The following FAM187B variants were observed in gnomAD, a reference collection of about 807,000 sequenced individuals.
FAM187B encodes the protein protein FAM187B.
A neutral mutation model predicts 22.6 loss-of-function variants in FAM187B; 22 were observed. The observed-to-expected ratio is 0.97, with a 90% CI of 0.70 to 1.39. FAM187B has a LOEUF of 1.39. Ranked by LOEUF, FAM187B falls within the 40% of genes most tolerant of loss-of-function variation. FAM187B has a pLI of 0.00. For synonymous variants in FAM187B, 192 were observed against 201.8 expected, an observed-to-expected ratio of 0.95 and a Z score of 0.41; for missense variants, 433 against 462.1, an observed-to-expected ratio of 0.94 and a Z score of 0.58.
rs756988563 is a variant in FAM187B at position 35,225,035 on chromosome 19, G to A, written c.900C>T (p.Ala300=). 1 of 1,613,478 alleles carries A rather than the reference G, an allele frequency of 6.2e-7. No individual in the cohort carries two copies. The highest frequency in any genetic ancestry group is 8.5e-7 in the Non-Finnish European group (1 of 1,179,700). The change falls in exon 2 of 2, where the codon GCC becomes GCT. Residue 300 remains alanine (A), a synonymous_variant. Transcript: ENST00000324675. ...QELVAQFKPA[A]SLETLEAQWR... ...ACTGAGCCTCCAGCGTCTCCAGACT[G>A]GCGGCGGGTTTGAACTGGGCCACGA...
rs745906726 is a variant in FAM187B, at chr19:35,228,321, G to A, written c.360C>T (p.His120=). 2 of 1,614,134 alleles carry A rather than the reference G, an allele frequency of 1.2e-6. No homozygotes were observed. Among genetic ancestry groups the A allele is most frequent in the Non-Finnish European group, 1.7e-6 (2 of 1,180,044 alleles). The change falls in exon 1 of 2, where the codon CAC becomes CAT. Residue 120 remains histidine (H), a synonymous_variant. Transcript: ENST00000324675. ...FQDVTTLHIT[H]KDLGQRPLQN... Reference sequence around the variant, plus strand: ...GCAGGGGCCTCTGACCCAGGTCCTTGTGTGTTATATGCAGGGTGGTGACAT... The same window carrying A: ...GCAGGGGCCTCTGACCCAGGTCCTTATGTGTTATATGCAGGGTGGTGACAT...
rs1232015340 is a variant in FAM187B at position 35,228,426 on chromosome 19, T to TCTG, written c.254_255insCAG (p.Pro85_Leu86insArg). The stretch of plus-strand genomic sequence containing the variant: ...GGTAGAGGCCCGTCTGGGAGGGCAA[T>TCTG]GGATCTTTAATGAGAAGGCTGCCCT... On this transcript the variant is annotated inframe_insertion, in exon 1 of 2. Transcript: ENST00000324675. 7 of 1,614,056 alleles carry TCTG rather than the reference T, an allele frequency of 4.3e-6. No individual in the cohort carries two copies. The highest frequency in any genetic ancestry group is 1.1e-5 in the South Asian group (1 of 91,076).
At chr19:35,225,464 G>T (rs1398659610) in intron 1 of FAM187B, among the ~76,000 whole-genome samples, 1 of 152,128 alleles carries the variant, frequency 6.6e-6, no homozygotes, top group Non-Finnish European at 1.5e-5. Flanking sequence ...CTTACTGGCT[G>T]GGTGACCTGG....
intron 1 of FAM187B, among the ~76,000 whole-genome samples, chr19:35,226,478 T>C (rs2065662006): frequency 6.6e-6 from 1 of 152,054 alleles, no homozygotes; most frequent in African/African-American, 2.4e-5. Context: ...ATAATAACAA[T>C]AATAATAATA....
chr19:35,226,236 G>A (rs951623654), intron 1 of FAM187B, among the ~76,000 whole-genome samples: 6 of 152,112 alleles, frequency 3.9e-5, no homozygotes, highest in African/African-American at 1.4e-4. Context: ...GGCCGATGTG[G>A]GAGGATCACT....
Position 35,228,580 on chromosome 19 carries a change from A to T in FAM187B, c.101T>A (p.Leu34Gln), listed in dbSNP as rs1166980072. Residue 34 changes from leucine (L) to glutamine (Q), a missense_variant, in exon 1 of 2, where the codon CTA (leucine) becomes CAA (glutamine). Leu to Gln is a moderately radical substitution (Grantham distance 113). Coordinates refer to ENST00000324675, the MANE Select transcript of FAM187B (RefSeq NM_152481.2). ...CAGGAGAATATCATTGCCTGAGAGT[A>T]GGGCCTGTTGGCACTGCTTACCACT... ...CPSGKQCQQA[L>Q]LSGNDILLYC... The T allele has an allele frequency of 6.2e-7, 1 of 1,614,138 alleles. No individual in the cohort carries two copies. Among genetic ancestry groups the T allele is most frequent in the Non-Finnish European group, 8.5e-7 (1 of 1,180,024 alleles).
At position 35,224,947 on chromosome 19, in the gene FAM187B, C is replaced by A; in HGVS notation, c.988G>T (p.Val330Leu). 5 of 1,613,832 alleles carry A rather than the reference C, an allele frequency of 3.1e-6. No homozygotes were observed. Among genetic ancestry groups the A allele is most frequent in the Non-Finnish European group, 4.2e-6 (5 of 1,179,984 alleles). The change falls in exon 2 of 2, where the codon GTG becomes TTG. Residue 330 changes from valine to leucine, a missense_variant. Transcript: ENST00000324675. ...RKALRGRADSVLKGLKLVLLV... is the reference protein window; with the variant it reads ...RKALRGRADSLLKGLKLVLLV... Reference sequence around the variant, plus strand: ...AGCACCAGCTTCAGCCCCTTGAGCACGGAGTCCGCCCTGCCCCGCAGGGCC... The same window carrying A: ...AGCACCAGCTTCAGCCCCTTGAGCAAGGAGTCCGCCCTGCCCCGCAGGGCC...
At chr19:35,227,844 A>G (rs960672851) in intron 1 of FAM187B, 115 bp downstream of exon 1, 66 of 1,450,078 alleles carry the variant, frequency 4.6e-5, no homozygotes, top group Non-Finnish European at 5.8e-5. Flanking sequence ...TGTCCTGATG[A>G]CCACTACGTG....
intron 1 of FAM187B, among the ~76,000 whole-genome samples, chr19:35,226,825 G>A (rs2065663050): frequency 6.6e-6 from 1 of 152,166 alleles, no homozygotes; most frequent in South Asian, 2.1e-4. Flanking sequence ...GTTAGACAGT[G>A]GCCCCCGCAA....
Position 35,228,546 on chromosome 19 carries a change from G to T in FAM187B, c.135C>A (p.Asn45Lys). 1 of 1,614,226 alleles carries T rather than the reference G, an allele frequency of 6.2e-7. No individual in the cohort carries two copies. The highest frequency in any genetic ancestry group is 8.5e-7 in the Non-Finnish European group (1 of 1,180,046). The part of the protein sequence containing the change: ...LSGNDILLYC[N>K]SSGAHWYYLF... ...AATAGTACCAGTGCGCCCCCGAGGA[G>T]TTGCAATACAGGAGAATATCATTGC... The change falls in exon 1 of 2, where the codon AAC becomes AAA. Residue 45 changes from asparagine (N) to lysine (K), a missense_variant. Asn to Lys is a moderately conservative substitution (Grantham distance 94). Transcript: ENST00000324675.
In FAM187B at chr19:35,228,053, G is replaced by A. The variant is rs761955489; in HGVS notation, c.628C>T (p.Gln210Ter). The change falls in exon 1 of 2, where the codon CAG becomes TAG. Residue 210 changes from glutamine (Q) to a stop codon, truncating the protein, a stop_gained. Coordinates refer to ENST00000324675, the MANE Select transcript of FAM187B (RefSeq NM_152481.2). LOFTEE classifies it high-confidence loss of function. ...ACHVQCTNNT[Q>*]LRVDYVIFDN... ...AAAATGACGTAATCCACCCTTAACTGTGTGTTATTGGTGCACTGGACGTGG... is the reference window on the plus strand; with the variant it reads ...AAAATGACGTAATCCACCCTTAACTATGTGTTATTGGTGCACTGGACGTGG... 2.8e-5 allele frequency: 46 copies of A among 1,614,126 alleles called. No individual in the cohort carries two copies. The highest frequency in any genetic ancestry group is 1.8e-5 in the Non-Finnish European group (21 of 1,180,056).
intron 1 of FAM187B, among the ~76,000 whole-genome samples, chr19:35,225,906 T>G (rs990452316): frequency 2.6e-5 from 4 of 152,224 alleles, no homozygotes; most frequent in Non-Finnish European, 5.9e-5. Flanking sequence ...TTAAATGATT[T>G]GTCCACCTGC....
chr19:35,228,426 T>C lies in FAM187B; in HGVS notation c.255A>G (p.Pro85=). 1 of 1,614,056 alleles carries C rather than the reference T, an allele frequency of 6.2e-7. No individual in the cohort carries two copies. Among genetic ancestry groups the C allele is most frequent in the Non-Finnish European group, 8.5e-7 (1 of 1,180,032 alleles). Residue 85 remains proline, a synonymous_variant, in exon 1 of 2, where the codon CCA becomes CCG. Coordinates refer to ENST00000324675, the MANE Select transcript of FAM187B (RefSeq NM_152481.2). ...GGTAGAGGCCCGTCTGGGAGGGCAA[T>C]GGATCTTTAATGAGAAGGCTGCCCT... is the stretch of plus-strand genomic sequence containing the variant. The part of the protein sequence containing the change: ...MPEGSLLIKD[P]LPSQTGLYHC...
chr19:35,225,095 C>T lies in FAM187B; in HGVS notation c.840G>A (p.Gln280=). 6.2e-7 allele frequency: 1 copy of T among 1,610,116 alleles called. No homozygotes were observed. Among genetic ancestry groups the T allele is most frequent in the Admixed American group, 1.7e-5 (1 of 59,682 alleles). The change falls in exon 2 of 2, where the codon CAG becomes CAA. Residue 280 remains glutamine (Q), a synonymous_variant. Coordinates refer to ENST00000324675, the MANE Select transcript of FAM187B (RefSeq NM_152481.2). ...STGGRQLQVF[Q]PAVYKCFVQQ... ...GCACGAAGCACTTGTAGACGGCCGG[C>T]TGGAAAACCTGCAGCTGCCTGCCGC...
At chr19:35,226,448 G>A (rs2065661867) in intron 1 of FAM187B, among the ~76,000 whole-genome samples, 1 of 152,152 alleles carries the variant, frequency 6.6e-6, no homozygotes, top group Admixed American at 6.6e-5. Flanking sequence ...GGGTGAAAGA[G>A]CAAGACCCTG....
rs764860263 is a variant in FAM187B, at chr19:35,228,568, T to C, written c.113A>G (p.Asn38Ser). 1.4e-5 allele frequency: 23 copies of C among 1,614,174 alleles called. No homozygotes were observed. In the East Asian group the frequency reaches 5.1e-4, roughly 36 times the overall value. ...GGAGTTGCAATACAGGAGAATATCA[T>C]TGCCTGAGAGTAGGGCCTGTTGGCA... ...KQCQQALLSG[N>S]DILLYCNSSG... Residue 38 changes from asparagine to serine, a missense_variant, in exon 1 of 2, where the codon AAT becomes AGT. Physicochemically the swap from Asn to Ser is conservative, Grantham distance 46. Coordinates refer to ENST00000324675, the MANE Select transcript of FAM187B (RefSeq NM_152481.2).
chr19:35,228,074 C>T lies in FAM187B; in HGVS notation c.607G>A (p.Val203Ile), dbSNP rs546777214. ...RPELQVEACH[V>I]QCTNNTQLRV... is the part of the protein sequence containing the mutation. The stretch of plus-strand genomic sequence containing the variant: ...AACTGTGTGTTATTGGTGCACTGGA[C>T]GTGGCAGGCTTCCACCTGCAGCTCA... Residue 203 changes from valine to isoleucine, a missense_variant, in exon 1 of 2, where the codon GTC becomes ATC. Coordinates refer to ENST00000324675, the MANE Select transcript of FAM187B (RefSeq NM_152481.2). 6.4e-5 allele frequency: 104 copies of T among 1,614,246 alleles called. No individual in the cohort carries two copies. Among genetic ancestry groups the T allele is most frequent in the Middle Eastern group, 1.6e-4 (1 of 6,062 alleles).
In FAM187B at chr19:35,228,358, A is replaced by G; in HGVS notation, c.323T>C (p.Ile108Thr). The change falls in exon 1 of 2, where the codon ATT becomes ACT. Residue 108 changes from isoleucine to threonine, a missense_variant. Physicochemically the swap from Ile to Thr is moderately conservative, Grantham distance 89 (BLOSUM62 -1). Transcript: ENST00000324675. ...KNGRQVVQYE[I>T]DFQDVTTLHI... ...CAGGGTGGTGACATCCTGAAAGTCA[A>G]TTTCATACTGCACCACTTGGCGGCC... 3 of 1,614,130 alleles carry G rather than the reference A, an allele frequency of 1.9e-6. No homozygotes were observed. Among genetic ancestry groups the G allele is most frequent in the Non-Finnish European group, 2.5e-6 (3 of 1,180,024 alleles).
rs8099919 is a variant in FAM187B, at chr19:35,228,425, A to G, written c.256T>C (p.Leu86=). Residue 86 remains leucine (L), a synonymous_variant, in exon 1 of 2, where the codon TTG becomes CTG. Coordinates refer to ENST00000324675, the MANE Select transcript of FAM187B (RefSeq NM_152481.2). ...TGGTAGAGGCCCGTCTGGGAGGGCAATGGATCTTTAATGAGAAGGCTGCCC... is the reference window on the plus strand; with the variant it reads ...TGGTAGAGGCCCGTCTGGGAGGGCAGTGGATCTTTAATGAGAAGGCTGCCC... ...PEGSLLIKDP[L]PSQTGLYHCW... 890 of 1,614,122 alleles carry G rather than the reference A, an allele frequency of 5.5e-4. 7 individuals are homozygous for G. The African/African-American group carries it at 0.01, about 19-fold the overall frequency.
Sources: gnomAD v4.1 joint callset for allele counts (sites outside exome capture counted in the v4.1 genomes callset) on GRCh38, gnomAD v4.1.1 for gene constraint, MANE v1.5 for transcripts, NCBI Gene and HGNC (gene_info 2026-07-23, HGNC 2026-07-21) for gene names.